Variants in ENAH observed in about 807,000 individuals in gnomAD.
ENAH encodes ENAH actin regulator, also known as protein enabled homolog.
In ENAH, 23 loss-of-function variants were observed where a neutral mutation model predicts 78.7. The observed-to-expected ratio is 0.29, with a 90% CI of 0.21 to 0.41. ENAH has a LOEUF of 0.41. ENAH is among the 10% of genes least tolerant of loss of function. The pLI, the probability that ENAH is intolerant of heterozygous loss-of-function variation, is 1.00. For missense variants in ENAH, 544 were observed against 691.0 expected (o/e 0.79, Z 2.39); for synonymous variants, 226 against 241.0 (o/e 0.94, Z 0.58).
chr1:225,505,043 G>A (rs191248485), intron 11 of ENAH: 3 of 1,611,314 alleles, frequency 1.9e-6, no homozygotes, highest in African/African-American at 1.3e-5. Context: ...TTTTTCCTTG[G>A]AGAATCCCGT....
chr1:225,520,761 GAGA>G (rs2096460428), intron 4 of ENAH, among the ~76,000 whole-genome samples: 1 of 152,222 alleles, frequency 6.6e-6, no homozygotes, highest in South Asian at 2.1e-4. Context: ...GAGGCTGAGG[GAGA>G]AGGATTGCTT....
intron 1 of ENAH, among the ~76,000 whole-genome samples, chr1:225,636,282 A>G (rs1660048052): frequency 6.6e-6 from 1 of 152,236 alleles, no homozygotes; most frequent in Admixed American, 6.5e-5. Context: ...ACAGACTCAG[A>G]AAAAACTAAC....
At position 225,648,758 on chromosome 1, in the gene ENAH, C is replaced by CTTTTT. The variant is rs57529265; in HGVS notation, c.5+3923_5+3927dup. 1.1e-3 allele frequency among the ~76,000 whole-genome samples: 153 copies of CTTTTT among 134,668 alleles called. 3 individuals carry two copies. Among genetic ancestry groups the CTTTTT allele is most frequent in the East Asian group, 7.2e-3 (34 of 4,708 alleles). The allele number at this position is 134,668 out of a possible 152,430, so 88.3% of individuals were successfully genotyped here. The stretch of plus-strand genomic sequence containing the variant: ...ATCCTGTGAAATATAAGATTATCTC[C>CTTTTT]TTTTTTTTTTTTTTTTTTACCAGTT... On this transcript the variant is annotated intron_variant, in intron 1 of 13. Transcript: ENST00000366843.
intron 3 of ENAH, among the ~76,000 whole-genome samples, chr1:225,538,533 T>C (rs537866844): frequency 7.2e-5 from 11 of 151,886 alleles, no homozygotes; most frequent in Admixed American, 2.6e-4. Flanking sequence ...CACATGAAAA[T>C]GTACCATCAT....
In ENAH at chr1:225,640,825, T is replaced by C. The variant is rs572280020; in HGVS notation, c.5+11861A>G. Reference sequence around the variant, plus strand: ...AAGAATATAAATGCCAACACTGAAATTAAGTTAATTAGCAAAGGAAAAACA... The same window carrying C: ...AAGAATATAAATGCCAACACTGAAACTAAGTTAATTAGCAAAGGAAAAACA... On this transcript the variant is annotated intron_variant, in intron 1 of 13. Coordinates refer to ENST00000366843, the MANE Select transcript of ENAH (RefSeq NM_018212.6). 5.3e-5 allele frequency among the ~76,000 whole-genome samples: 8 copies of C among 152,102 alleles called. No individual in the cohort carries two copies. In the South Asian group the frequency reaches 1.7e-3, roughly 32 times the overall value.
chr1:225,511,591 T>C (rs1045625938), intron 10 of ENAH, among the ~76,000 whole-genome samples: 8 of 152,214 alleles, frequency 5.3e-5, no homozygotes, highest in Admixed American at 5.2e-4. Flanking sequence ...TGTCATCTAA[T>C]AGTACATTAA....
At chr1:225,547,669 C>G (rs963002878) in intron 3 of ENAH, among the ~76,000 whole-genome samples, 1 of 152,144 alleles carries the variant, frequency 6.6e-6, no homozygotes, top group Admixed American at 6.5e-5. Context: ...GTCTCAAACG[C>G]CCTTCTTGAT....
chr1:225,653,137 G>C (rs1397061300), upstream of ENAH: 1 of 151,448 alleles, frequency 6.6e-6, no homozygotes, highest in Non-Finnish European at 1.5e-5. The surrounding 1 kb of genome is among the most constrained non-coding windows in gnomAD (Gnocchi z 4.3). Context: ...ATCGCCGCGA[G>C]GAACCCGGGA....
At chr1:225,530,379 C>T (rs2096532298) in intron 4 of ENAH, among the ~76,000 whole-genome samples, 175 bp downstream of exon 4, 1 of 151,928 alleles carries the variant, frequency 6.6e-6, no homozygotes, top group East Asian at 1.9e-4. Flanking sequence ...ATCTCATGTC[C>T]AGCATAACAA....
chr1:225,503,536 A>G (rs2096297734), intron 11 of ENAH, among the ~76,000 whole-genome samples: 1 of 151,916 alleles, frequency 6.6e-6, no homozygotes, highest in Admixed American at 6.6e-5. Context: ...TCGGCCTCCC[A>G]AAGTGCTGGG....
At chr1:225,547,755 T>G (rs2151377691) in intron 3 of ENAH, among the ~76,000 whole-genome samples, 1 of 152,298 alleles carries the variant, frequency 6.6e-6, no homozygotes, top group Non-Finnish European at 1.5e-5. Flanking sequence ...TCTTCCCACT[T>G]TTTGTACAGG....
At chr1:225,531,834 GAATT>G (rs1224630528) in intron 3 of ENAH, among the ~76,000 whole-genome samples, 1 of 151,952 alleles carries the variant, frequency 6.6e-6, no homozygotes, top group Non-Finnish European at 1.5e-5. Context: ...TGGAAAAACA[GAATT>G]AATTTGATCT....
At chr1:225,569,918 G>A (rs2096752393) in intron 1 of ENAH, among the ~76,000 whole-genome samples, 1 of 152,080 alleles carries the variant, frequency 6.6e-6, no homozygotes, top group African/African-American at 2.4e-5. Flanking sequence ...GAAGATATCA[G>A]GCACTGGTGG....
At chr1:225,569,591 G>A (rs764899759) in intron 1 of ENAH, among the ~76,000 whole-genome samples, 2 of 152,094 alleles carry the variant, frequency 1.3e-5, no homozygotes, top group Non-Finnish European at 2.9e-5. Context: ...TTTCTTTTAA[G>A]TATAAGAAAT....
At chr1:225,607,104 CAGAAG>C in intron 1 of ENAH, among the ~76,000 whole-genome samples, 1 of 152,118 alleles carries the variant, frequency 6.6e-6, no homozygotes, top group African/African-American at 2.4e-5. Context: ...TACAAACAAA[CAGAAG>C]AGGACACTAC....
chr1:225,579,897 T>G (rs1339057569), intron 1 of ENAH, among the ~76,000 whole-genome samples: 1 of 152,128 alleles, frequency 6.6e-6, no homozygotes, highest in Non-Finnish European at 1.5e-5. Context: ...AAAAGAACCT[T>G]TCAATGTTTA....
At chr1:225,607,194 C>G (rs919477877) in intron 1 of ENAH, among the ~76,000 whole-genome samples, 63 of 152,186 alleles carry the variant, frequency 4.1e-4, no homozygotes, top group South Asian at 2.1e-4. Flanking sequence ...TTGGGCCACA[C>G]GTAAAATACA....
intron 1 of ENAH, among the ~76,000 whole-genome samples, chr1:225,649,083 T>G (rs1558963675): frequency 1.3e-5 from 2 of 152,158 alleles, no homozygotes; most frequent in South Asian, 4.1e-4. Context: ...ATTTAAGGCT[T>G]ACCAGTGTAT....
At chr1:225,560,344 T>A (rs2096695863) in intron 2 of ENAH, among the ~76,000 whole-genome samples, 1 of 151,842 alleles carries the variant, frequency 6.6e-6, no homozygotes, top group African/African-American at 2.4e-5. Flanking sequence ...ATACAAAAAT[T>A]AGCCAGGCAT....
Sources: gnomAD v4.1 joint callset for allele counts (sites outside exome capture counted in the v4.1 genomes callset) on GRCh38, gnomAD v4.1.1 for gene constraint, Gnocchi (gnomAD v3.1) non-coding constraint, MANE v1.5 for transcripts, NCBI Gene and HGNC (gene_info 2026-07-23, HGNC 2026-07-21) for gene names.